Variants in ALB observed in about 807,000 individuals in gnomAD.
The protein encoded by ALB is albumin, also known as serum albumin.
Under a neutral mutation model 74.5 loss-of-function variants are expected in ALB, and 37 were observed. The ratio of observed to expected loss-of-function variants is 0.50; its 90% CI spans 0.38 to 0.65. ALB has a LOEUF of 0.65. ALB is among the 30% of genes least tolerant of loss of function. The probability of loss-of-function intolerance (pLI) is 0.00; values close to 1 mark genes in which losing one functional copy is unlikely to be tolerated. For synonymous variants in ALB, 249 were observed against 251.6 expected, an observed-to-expected ratio of 0.99 and a Z score of 0.10; for missense variants, 685 against 718.7, an observed-to-expected ratio of 0.95 and a Z score of 0.54.
Position 73,421,105 on chromosome 4 carries a change from T to C in ALB, c.*37T>C. On this transcript the variant is annotated 3_prime_UTR_variant, in exon 15 of 15. Transcript: ENST00000295897. ...TTTGTTTTTCAGCCTACCATGAGAA[T>C]AAGAGAAAGAAAATGAAGATCAAAA... The C allele has an allele frequency of 1.4e-6, 1 of 693,696 alleles. No individual in the cohort carries two copies. The highest frequency in any genetic ancestry group is 2.7e-5 in the East Asian group (1 of 36,760). 43.0% of individuals were successfully genotyped at this position (693,696 alleles called of 1,614,324 possible).
At chr4:73,418,007 C>T (rs1481351134) in intron 11 of ALB, 81 bp from the exon 12 acceptor site, 5 of 1,336,232 alleles carry the variant, frequency 3.7e-6, no homozygotes, top group East Asian at 2.4e-5. Flanking sequence ...TGCCACCATG[C>T]CTGGCTAATT....
chr4:73,412,998 G>C (rs374780960), intron 7 of ALB, among the ~76,000 whole-genome samples: 1 of 151,996 alleles, frequency 6.6e-6, no homozygotes, highest in Non-Finnish European at 1.5e-5. Context: ...AATTTAAGGC[G>C]GTTATTTTAT....
intron 8 of ALB, among the ~76,000 whole-genome samples, chr4:73,414,208 T>C (rs927207164): frequency 6.6e-6 from 1 of 152,248 alleles, no homozygotes; most frequent in Non-Finnish European, 1.5e-5. Context: ...GTTGTTGGAT[T>C]ATGATAATGC....
chr4:73,414,751 A>C (rs1254029112), intron 8 of ALB, among the ~76,000 whole-genome samples: 1 of 152,170 alleles, frequency 6.6e-6, no homozygotes, highest in Non-Finnish European at 1.5e-5. Context: ...CACTGTGCCC[A>C]GCCGACAGAT....
At position 73,415,284 on chromosome 4, in the gene ALB, A is replaced by T. The variant is rs539173197; in HGVS notation, c.1191+117A>T. 7.4e-5 allele frequency: 93 copies of T among 1,262,652 alleles called. 2 individuals carry two copies. In the South Asian group the frequency reaches 1.2e-3, roughly 16 times the overall value. 78.2% of individuals were successfully genotyped at this position (1,262,652 alleles called of 1,614,324 possible). A position where few individuals can be genotyped will look rare whatever the true frequency, so the allele number is the denominator to read the frequency against. On this transcript the variant is annotated intron_variant, in intron 9 of 14. Coordinates refer to ENST00000295897, the MANE Select transcript of ALB (RefSeq NM_000477.7). ...AGTGCAATTTAGATCTTTTCTTGAG[A>T]TGGTTTCAATTCTGGAATCTTAAAC...
Position 73,418,304 on chromosome 4 carries a change from A to G in ALB, c.1645A>G (p.Lys549Glu). The G allele has an allele frequency of 6.2e-7, 1 of 1,612,754 alleles. No homozygotes were observed. The highest frequency in any genetic ancestry group is 8.5e-7 in the Non-Finnish European group (1 of 1,179,126). Residue 549 changes from lysine to glutamate, a missense_variant, in exon 12 of 15, where the codon AAA becomes GAA. Physicochemically the swap from Lys to Glu is moderately conservative, Grantham distance 56. Coordinates refer to ENST00000295897, the MANE Select transcript of ALB (RefSeq NM_000477.7). ...TLSEKERQIK[K>E]QTALVELVKH... Reference sequence around the variant, plus strand: ...TTCTGAGAAGGAGAGACAAATCAAGAAACAAACGTGAGGAGTATTTCATTA... The same window carrying G: ...TTCTGAGAAGGAGAGACAAATCAAGGAACAAACGTGAGGAGTATTTCATTA...
chr4:73,418,015 A>C lies in ALB; in HGVS notation c.1429-73A>C, dbSNP rs1043327116. 3 of 1,446,676 alleles carry C rather than the reference A, an allele frequency of 2.1e-6. No individual in the cohort carries two copies. In the African/African-American group the frequency reaches 4.2e-5, roughly 20 times the overall value. The allele number at this position is 1,446,676 out of a possible 1,614,324, so 89.6% of individuals were successfully genotyped here. On this transcript the variant is annotated intron_variant, in intron 11 of 14. Coordinates refer to ENST00000295897, the MANE Select transcript of ALB (RefSeq NM_000477.7). ...AGGTGCATGCCACCATGCCTGGCTA[A>C]TTTTTTGTATTTTTAGTAGAAAATT...
In ALB at chr4:73,409,373, C is replaced by T. The variant is rs770831961; in HGVS notation, c.501C>T (p.Ala167=). 8 of 1,613,582 alleles carry T rather than the reference C, an allele frequency of 5.0e-6. No homozygotes were observed. In the African/African-American group the frequency reaches 6.7e-5, roughly 13 times the overall value. Residue 167 remains alanine (A), a synonymous_variant, in exon 5 of 15, where the codon GCC becomes GCT. Transcript: ENST00000295897. ...AATTTAGATACTTATATGAAATTGC[C>T]AGAAGACATCCTTACTTTTATGCCC... is the stretch of plus-strand genomic sequence containing the variant. ...TFLKKYLYEI[A]RRHPYFYAPE...
At chr4:73,418,794 A>C (rs1443712279) in intron 12 of ALB, among the ~76,000 whole-genome samples, 1 of 152,206 alleles carries the variant, frequency 6.6e-6, no homozygotes, top group Admixed American at 6.5e-5. Context: ...CCCTATTGCT[A>C]TCACAGGGGT....
intron 6 of ALB, 73 bp from the exon 7 acceptor site, chr4:73,411,923 A>T: frequency 6.3e-7 from 1 of 1,577,802 alleles, no homozygotes; most frequent in Non-Finnish European, 8.7e-7. Context: ...CTTATGAGAA[A>T]TAGTATTTGC....
chr4:73,414,094 G>A (rs977055615), intron 8 of ALB, among the ~76,000 whole-genome samples: 6 of 152,246 alleles, frequency 3.9e-5, no homozygotes, highest in Admixed American at 3.9e-4. Flanking sequence ...TTTATATTTG[G>A]TGAAAAGACC....
chr4:73,420,143 A>G, intron 13 of ALB, 111 bp from the exon 14 acceptor site: 2 of 918,582 alleles, frequency 2.2e-6, no homozygotes, highest in Non-Finnish European at 1.8e-6. Context: ...ATTAAAGGAT[A>G]TGATGCACGT....
chr4:73,411,381 A>G (rs1193823138), intron 6 of ALB, among the ~76,000 whole-genome samples: 1 of 152,210 alleles, frequency 6.6e-6, no homozygotes, highest in Non-Finnish European at 1.5e-5. Flanking sequence ...ATCTTGTCAT[A>G]GAGTTTGAAG....
chr4:73,418,425 G>C, intron 12 of ALB, 114 bp downstream of exon 12: 1 of 931,984 alleles, frequency 1.1e-6, no homozygotes, highest in Non-Finnish European at 1.7e-6. Context: ...GAAAGTATTG[G>C]AGTGTTGCCC....
rs771966334 is a variant in ALB at position 73,415,055 on chromosome 4, G to A, written c.1079G>A (p.Arg360Lys). The A allele has an allele frequency of 3.7e-6, 6 of 1,613,958 alleles. No homozygotes were observed. Among genetic ancestry groups the A allele is most frequent in the Non-Finnish European group, 3.4e-6 (4 of 1,179,982 alleles). ...ATTAGGTTTTTGTATGAATATGCAA[G>A]AAGGCATCCTGATTACTCTGTCGTG... ...FLGMFLYEYA[R>K]RHPDYSVVLL... is the part of the protein sequence containing the mutation. The change falls in exon 9 of 15, where the codon AGA becomes AAA. Residue 360 changes from arginine to lysine, a missense_variant. By Grantham distance (26) the Arg-to-Lys change is conservative. Coordinates refer to ENST00000295897, the MANE Select transcript of ALB (RefSeq NM_000477.7).
intron 12 of ALB, 152 bp from the exon 13 acceptor site, chr4:73,419,355 G>A: frequency 1.3e-6 from 1 of 750,192 alleles, no homozygotes; most frequent in South Asian, 1.9e-5. Context: ...GAGACTTATA[G>A]CGGTATGCCT....
At position 73,413,542 on chromosome 4, in the gene ALB, G is replaced by A. The variant is rs1375081546; in HGVS notation, c.966G>A (p.Met322Ile). 1.9e-6 allele frequency: 3 copies of A among 1,614,194 alleles called. No homozygotes were observed. Among genetic ancestry groups the A allele is most frequent in the Non-Finnish European group, 2.5e-6 (3 of 1,180,028 alleles). The part of the protein sequence containing the change: ...HCIAEVENDE[M>I]PADLPSLAAD... ...TTGCCGAAGTGGAAAATGATGAGAT[G>A]CCTGCTGACTTGCCTTCATTAGCTG... Residue 322 changes from methionine (M) to isoleucine (I), a missense_variant, in exon 8 of 15, where the codon ATG becomes ATA. By Grantham distance (10) the Met-to-Ile change is conservative. Coordinates refer to ENST00000295897, the MANE Select transcript of ALB (RefSeq NM_000477.7).
intron 3 of ALB, among the ~76,000 whole-genome samples, chr4:73,408,385 T>C (rs763726276): frequency 3.9e-5 from 6 of 152,228 alleles, no homozygotes; most frequent in Non-Finnish European, 7.3e-5. Context: ...TTATTCACCA[T>C]GAGTTATAGT....
At position 73,416,331 on chromosome 4, in the gene ALB, G is replaced by A. The variant is rs1350785055; in HGVS notation, c.1267G>A (p.Gly423Arg). ...KQNCELFEQL[G>R]EYKFQNALLV... ...AAATTGTGAGCTTTTTGAGCAGCTTGGAGAGTACAAATTCCAGAATGCGTA... is the reference window on the plus strand; with the variant it reads ...AAATTGTGAGCTTTTTGAGCAGCTTAGAGAGTACAAATTCCAGAATGCGTA... Residue 423 changes from glycine (G) to arginine (R), a missense_variant, in exon 10 of 15, where the codon GGA becomes AGA. Physicochemically the swap from Gly to Arg is moderately radical, Grantham distance 125. Coordinates refer to ENST00000295897, the MANE Select transcript of ALB (RefSeq NM_000477.7). The A allele has an allele frequency of 1.2e-6, 2 of 1,613,474 alleles. No individual in the cohort carries two copies. The highest frequency in any genetic ancestry group is 1.1e-5 in the South Asian group (1 of 91,050).
Sources: allele counts gnomAD v4.1 joint callset (sites outside exome capture counted in the v4.1 genomes callset), GRCh38; gene constraint gnomAD v4.1.1; transcripts MANE v1.5; gene names NCBI Gene and HGNC (gene_info 2026-07-23, HGNC 2026-07-21).